Variants in TSPAN18 observed in about 807,000 individuals in gnomAD.
The protein encoded by TSPAN18 is tetraspanin 18, also known as tetraspanin-18.
TSPAN18 carries 14 observed loss-of-function variants against 27.3 expected under a neutral mutation model. That is an observed-to-expected ratio of 0.51 (90% CI 0.34 to 0.80). TSPAN18 has a LOEUF of 0.80. Ranked by LOEUF, TSPAN18 falls within the 30% of genes least tolerant of loss-of-function variation. The pLI, the probability that TSPAN18 is intolerant of heterozygous loss-of-function variation, is 0.01. For synonymous variants in TSPAN18, 143 were observed against 136.5 expected, an observed-to-expected ratio of 1.05 and a Z score of -0.33; for missense variants, 268 against 323.9, an observed-to-expected ratio of 0.83 and a Z score of 1.32.
intron 5 of TSPAN18, among the ~76,000 whole-genome samples, chr11:44,911,977 A>C (rs3937802): frequency 2.3e-5 from 3 of 132,310 alleles, no homozygotes; most frequent in African/African-American, 6.0e-5. Flanking sequence ...CTTTCTGCCT[A>C]TCTCTGTGTA....
intron 5 of TSPAN18, among the ~76,000 whole-genome samples, chr11:44,910,519 G>A (rs1038609775): frequency 6.6e-6 from 1 of 152,292 alleles, no homozygotes; most frequent in African/African-American, 2.4e-5. Context: ...TCCAAGGCAT[G>A]GTCAGCTGAG....
chr11:44,908,803 G>GAAAGAA, intron 4 of TSPAN18, among the ~76,000 whole-genome samples: 1 of 116,214 alleles, frequency 8.6e-6, no homozygotes, highest in East Asian at 2.2e-4. Flanking sequence ...AAGAAAGAAA[G>GAAAGAA]AAAGAAAGAA....
At chr11:44,767,812 G>A (rs1264624128) in intron 2 of TSPAN18, among the ~76,000 whole-genome samples, 3 of 152,202 alleles carry the variant, frequency 2.0e-5, no homozygotes, top group Admixed American at 6.5e-5. Flanking sequence ...TGTCATTCTA[G>A]TGTATGGGGA....
intron 2 of TSPAN18, among the ~76,000 whole-genome samples, chr11:44,854,840 A>G (rs1035150033): frequency 6.6e-6 from 1 of 152,182 alleles, no homozygotes; most frequent in African/African-American, 2.4e-5. Flanking sequence ...GGAGGCCTCC[A>G]AGGGCCTTTC....
chr11:44,834,282 G>C (rs764030190), intron 2 of TSPAN18, among the ~76,000 whole-genome samples: 1 of 152,022 alleles, frequency 6.6e-6, no homozygotes, highest in African/African-American at 2.4e-5. Context: ...AGTTCCTTTC[G>C]GCCCCTGGAG....
chr11:44,799,480 A>T (rs1590489847), intron 2 of TSPAN18, among the ~76,000 whole-genome samples: 1 of 152,158 alleles, frequency 6.6e-6, no homozygotes. Flanking sequence ...TCAATTCCAC[A>T]AACATCTGTT....
chr11:44,744,068 C>T (rs1316842518), intron 1 of TSPAN18, among the ~76,000 whole-genome samples: 1 of 152,140 alleles, frequency 6.6e-6, no homozygotes, highest in East Asian at 1.9e-4. Context: ...TTTTCATTTG[C>T]AGCAAAATGC....
At chr11:44,834,613 G>C (rs1857226563) in intron 2 of TSPAN18, among the ~76,000 whole-genome samples, 1 of 152,152 alleles carries the variant, frequency 6.6e-6, no homozygotes, top group South Asian at 2.1e-4. Flanking sequence ...ATAGAGAGAG[G>C]GGGTTAGGCA....
At chr11:44,804,387 A>G (rs899093245) in intron 2 of TSPAN18, among the ~76,000 whole-genome samples, 1 of 152,226 alleles carries the variant, frequency 6.6e-6, no homozygotes, top group Non-Finnish European at 1.5e-5. Context: ...CACCGCGCCC[A>G]GCCAGTAAGT....
intron 2 of TSPAN18, among the ~76,000 whole-genome samples, chr11:44,778,285 G>A (rs1340737776): frequency 6.6e-6 from 1 of 152,136 alleles, no homozygotes; most frequent in Non-Finnish European, 1.5e-5. Context: ...GCCTCTTATG[G>A]GGAGAGGGGA....
At chr11:44,788,710 G>A (rs1001838632) in intron 2 of TSPAN18, among the ~76,000 whole-genome samples, 1 of 152,166 alleles carries the variant, frequency 6.6e-6, no homozygotes, top group Admixed American at 6.5e-5. Flanking sequence ...GCCTCCCAAA[G>A]TGCTGGGATT....
intron 1 of TSPAN18, among the ~76,000 whole-genome samples, chr11:44,762,196 G>T (rs974895443): frequency 6.6e-6 from 1 of 152,204 alleles, no homozygotes; most frequent in African/African-American, 2.4e-5. Context: ...TTGCAGCAAG[G>T]CTATAGAGGC....
chr11:44,802,107 A>G (rs11038150), intron 2 of TSPAN18, among the ~76,000 whole-genome samples: 61,112 of 151,810 alleles, frequency 0.4, 14,176 homozygotes, highest in Non-Finnish European at 0.52. Flanking sequence ...TCTTAGACCT[A>G]CCTCACTGGG....
chr11:44,904,245 T>C (rs1429374917), intron 3 of TSPAN18, among the ~76,000 whole-genome samples: 2 of 152,164 alleles, frequency 1.3e-5, no homozygotes, highest in Non-Finnish European at 2.9e-5. Flanking sequence ...CTGAGTGTCT[T>C]CCCCTCCTGA....
intron 5 of TSPAN18, chr11:44,917,535 C>T (rs1859956841): frequency 6.4e-6 from 1 of 155,582 alleles, no homozygotes; most frequent in Non-Finnish European, 1.4e-5. Flanking sequence ...GGAGAGGTGG[C>T]CCTGGGGCTG....
chr11:44,760,413 T>A (rs1855426270), intron 1 of TSPAN18, among the ~76,000 whole-genome samples: 1 of 152,098 alleles, frequency 6.6e-6, no homozygotes. Flanking sequence ...GTGAATAGAA[T>A]CAGTAGCTGG....
intron 2 of TSPAN18, among the ~76,000 whole-genome samples, chr11:44,859,930 G>A (rs537687132): frequency 3.9e-5 from 6 of 152,284 alleles, no homozygotes; most frequent in Admixed American, 2.6e-4. Context: ...TTCACACGAG[G>A]AAGAAACTTC....
At chr11:44,812,901 G>A (rs55688430) in intron 2 of TSPAN18, among the ~76,000 whole-genome samples, 27,215 of 152,214 alleles carry the variant, frequency 0.18, 3,221 homozygotes, top group Non-Finnish European at 0.26. Context: ...AACACACAGA[G>A]CACTATTGCT....
intron 2 of TSPAN18, among the ~76,000 whole-genome samples, chr11:44,828,275 C>T (rs763657472): frequency 2.6e-5 from 4 of 152,028 alleles, no homozygotes; most frequent in Non-Finnish European, 4.4e-5. Context: ...ATCCCGAATC[C>T]GGTTCAGTTC....
Sources: allele counts gnomAD v4.1 joint callset (sites outside exome capture counted in the v4.1 genomes callset), GRCh38; gene constraint gnomAD v4.1.1; transcripts MANE v1.5; gene names NCBI Gene and HGNC (gene_info 2026-07-23, HGNC 2026-07-21).